The following TRPM3 variants were observed in gnomAD, a reference collection of about 807,000 sequenced individuals.
TRPM3 encodes transient receptor potential cation channel subfamily M member 3.
A neutral mutation model predicts 181.2 loss-of-function variants in TRPM3; 77 were observed. That is an observed-to-expected ratio of 0.42 (90% CI 0.35 to 0.51). TRPM3 has a LOEUF of 0.51. TRPM3 is among the 20% of genes least tolerant of loss of function. The pLI is 0.01. For missense variants in TRPM3, 1,759 were observed against 2,196.7 expected, an observed-to-expected ratio of 0.80 and a Z score of 3.98; for synonymous variants, 745 against 796.4, an observed-to-expected ratio of 0.94 and a Z score of 1.09.
chr9:71,292,959 T>G (rs1457729734), intron 1 of TRPM3, among the ~76,000 whole-genome samples: 1 of 151,936 alleles, frequency 6.6e-6, no homozygotes, highest in African/African-American at 2.4e-5. Flanking sequence ...ATGACGAAAT[T>G]GTGTTTATCT....
intron 1 of TRPM3, among the ~76,000 whole-genome samples, chr9:70,981,493 A>T (rs72731731): frequency 6.6e-6 from 1 of 152,276 alleles, no homozygotes; most frequent in Non-Finnish European, 1.5e-5. Context: ...ATGAATTGGG[A>T]AGTGCCTAAA....
chr9:70,749,741 A>C (rs2075800036), intron 8 of TRPM3, among the ~76,000 whole-genome samples: 1 of 152,202 alleles, frequency 6.6e-6, no homozygotes, highest in Non-Finnish European at 1.5e-5. Flanking sequence ...GAAGGCAACA[A>C]ATTGGTATAA....
chr9:70,778,487 C>G (rs1418396337), intron 7 of TRPM3, among the ~76,000 whole-genome samples: 3 of 152,090 alleles, frequency 2.0e-5, no homozygotes, highest in Non-Finnish European at 2.9e-5. Context: ...AAAAATAACC[C>G]TTTTTATAGA....
intron 1 of TRPM3, among the ~76,000 whole-genome samples, chr9:71,418,928 GTA>G (rs368413842): frequency 1.5e-3 from 216 of 144,720 alleles, no homozygotes; most frequent in African/African-American, 5.0e-3. Flanking sequence ...GTGTGTGTGT[GTA>G]TATATATATA....
intron 1 of TRPM3, among the ~76,000 whole-genome samples, chr9:71,208,436 A>G (rs1477256501): frequency 7.1e-6 from 1 of 141,666 alleles, no homozygotes; most frequent in Non-Finnish European, 1.5e-5. Flanking sequence ...AAACAGGAAT[A>G]TAAGTCAATG....
At chr9:70,874,417 T>G (rs2095839820) in intron 1 of TRPM3, among the ~76,000 whole-genome samples, 1 of 151,924 alleles carries the variant, frequency 6.6e-6, no homozygotes. Flanking sequence ...CTTATAGAGG[T>G]TAAGCATCAT....
chr9:70,671,795 C>T (rs139155775), intron 9 of TRPM3, among the ~76,000 whole-genome samples: 1,532 of 152,266 alleles, frequency 0.01, 22 homozygotes, highest in African/African-American at 0.035. Context: ...GACAGAGTCT[C>T]ACTCTGTTGC....
chr9:70,848,430 A>G (rs955593232), intron 3 of TRPM3, among the ~76,000 whole-genome samples: 4 of 152,178 alleles, frequency 2.6e-5, no homozygotes, highest in Non-Finnish European at 5.9e-5. Flanking sequence ...TGGAAGAAAT[A>G]TTGGCTGAGT....
At chr9:71,104,601 C>T (rs563911166) in intron 1 of TRPM3, among the ~76,000 whole-genome samples, 7 of 152,232 alleles carry the variant, frequency 4.6e-5, no homozygotes, top group East Asian at 3.9e-4. Context: ...GATTAAACAA[C>T]GTATAAATCA....
intron 1 of TRPM3, among the ~76,000 whole-genome samples, chr9:71,409,110 A>C (rs188184583): frequency 6.4e-4 from 98 of 152,282 alleles, no homozygotes; most frequent in African/African-American, 2.3e-3. Context: ...TGAAGGAAGC[A>C]CTAAACATGG....
intron 7 of TRPM3, among the ~76,000 whole-genome samples, chr9:70,769,410 A>G (rs1295596023): frequency 6.6e-6 from 1 of 151,810 alleles, no homozygotes; most frequent in East Asian, 1.9e-4. Context: ...TTCTTTTTTC[A>G]TCTTTTATTT....
intron 1 of TRPM3, among the ~76,000 whole-genome samples, chr9:71,375,125 A>G (rs2092632764): frequency 6.6e-6 from 1 of 151,662 alleles, no homozygotes; most frequent in African/African-American, 2.4e-5. Context: ...AAAGAGCCCA[A>G]ATAGCCCAAA....
At chr9:70,815,104 T>C (rs1295494492) in intron 6 of TRPM3, among the ~76,000 whole-genome samples, 3 of 152,092 alleles carry the variant, frequency 2.0e-5, no homozygotes, top group South Asian at 2.1e-4. Context: ...TATAAGTATA[T>C]ATATGTAATT....
intron 1 of TRPM3, among the ~76,000 whole-genome samples, chr9:71,010,580 T>C (rs2134359930): frequency 6.6e-6 from 1 of 152,064 alleles, no homozygotes; most frequent in Non-Finnish European, 1.5e-5. Flanking sequence ...TAGCACCTCA[T>C]CCCAATTAGA....
At chr9:71,408,613 C>T (rs1035187039) in intron 1 of TRPM3, among the ~76,000 whole-genome samples, 2 of 151,972 alleles carry the variant, frequency 1.3e-5, no homozygotes, top group African/African-American at 4.8e-5. Flanking sequence ...GTGAAAAGAC[C>T]AAATCTACGT....
chr9:71,094,266 AT>A (rs2066732331), intron 1 of TRPM3, among the ~76,000 whole-genome samples: 2 of 152,146 alleles, frequency 1.3e-5, no homozygotes, highest in African/African-American at 4.8e-5. Context: ...AATTTTTAAA[AT>A]AAAATAAATT....
intron 1 of TRPM3, among the ~76,000 whole-genome samples, chr9:70,875,098 G>A (rs78249541): frequency 0.01 from 1,520 of 151,914 alleles, 26 homozygotes; most frequent in Non-Finnish European, 0.017. Flanking sequence ...CCTATTTTCT[G>A]TATCCATTCA....
chr9:71,177,932 CAAA>C (rs10717759), intron 1 of TRPM3, among the ~76,000 whole-genome samples: 11 of 123,576 alleles, frequency 8.9e-5, no homozygotes, highest in Non-Finnish European at 1.2e-4. Context: ...TGCTCAAAGC[CAAA>C]AAAAAAAAAA....
chr9:70,540,978 G>C (rs1335278878), intron 25 of TRPM3, among the ~76,000 whole-genome samples: 6 of 152,168 alleles, frequency 3.9e-5, no homozygotes, highest in African/African-American at 1.2e-4. Context: ...ACCCGCCTCA[G>C]CCTCCCAAAG....
Sources: gnomAD v4.1 joint callset for allele counts (sites outside exome capture counted in the v4.1 genomes callset) on GRCh38, gnomAD v4.1.1 for gene constraint, MANE v1.5 for transcripts, NCBI Gene and HGNC (gene_info 2026-07-23, HGNC 2026-07-21) for gene names.